The following GALNT9 variants were observed in gnomAD, a reference collection of about 807,000 sequenced individuals.
GALNT9 encodes polypeptide N-acetylgalactosaminyltransferase 9.
A neutral mutation model predicts 63.1 loss-of-function variants in GALNT9; 47 were observed. That is an observed-to-expected ratio of 0.75 (90% CI 0.59 to 0.95). GALNT9 has a LOEUF of 0.95. GALNT9 is among the 40% of genes least tolerant of loss of function. The pLI is 0.00. For synonymous variants in GALNT9, 396 were observed against 365.7 expected, an observed-to-expected ratio of 1.08 and a Z score of -0.94; for missense variants, 829 against 874.8, an observed-to-expected ratio of 0.95 and a Z score of 0.66.
intron 2 of GALNT9, among the ~76,000 whole-genome samples, chr12:132,266,330 T>C (rs1269399173): frequency 6.6e-6 from 1 of 152,264 alleles, no homozygotes; most frequent in African/African-American, 2.4e-5. Flanking sequence ...TGTGACAAAC[T>C]TCTTTGCCTA....
At chr12:132,284,494 T>C (rs782189009) in intron 2 of GALNT9, 16 of 152,280 alleles carry the variant, frequency 1.1e-4, no homozygotes, top group Non-Finnish European at 1.9e-4. Flanking sequence ...ATGCATTTTT[T>C]ATTTGAAAGG....
In GALNT9 at chr12:132,197,207, T is replaced by C. The variant is rs756757790; in HGVS notation, c.1712A>G (p.Glu571Gly). 6.2e-7 allele frequency: 1 copy of C among 1,613,900 alleles called. No individual in the cohort carries two copies. Among genetic ancestry groups the C allele is most frequent in the Non-Finnish European group, 8.5e-7 (1 of 1,180,008 alleles). The change falls in exon 11 of 11, where the codon GAG (glutamate) becomes GGG (glycine). Residue 571 changes from glutamate (E) to glycine (G), a missense_variant. By Grantham distance (98) the Glu-to-Gly change is moderately conservative. Transcript: ENST00000328957. Reference protein sequence around the residue: ...SRATGRCLEVEMSKDANFGLR... With the variant: ...SRATGRCLEVGMSKDANFGLR... ...CCCAAAGTTGGCATCTTTGGACATC[T>C]CCACCTCCAGGCAGCGGCCCGTGGC...
chr12:132,200,839 C>T, intron 8 of GALNT9: 1 of 439,354 alleles, frequency 2.3e-6, no homozygotes, highest in Non-Finnish European at 4.1e-6. Flanking sequence ...TAGGGAGGTC[C>T]ATGTGAAGGA....
At chr12:132,217,941 A>C (rs1371881346) in intron 6 of GALNT9, among the ~76,000 whole-genome samples, 1 of 107,738 alleles carries the variant, frequency 9.3e-6, no homozygotes, top group African/African-American at 3.7e-5. Flanking sequence ...TCATCCACCC[A>C]CCCACTCACC....
chr12:132,282,347 G>A lies in GALNT9; in HGVS notation c.419+3903C>T, dbSNP rs73473509. On this transcript the variant is annotated intron_variant, in intron 2 of 10. Transcript: ENST00000328957. This position sits in a 1 kb window ranked among gnomAD's most constrained non-coding sequence, Gnocchi z 4.5. ...TCCAATGGGACCCCTGCAGCTCTAA[G>A]AACAGAAAACCCAATTCAGATGTGC... is the stretch of plus-strand genomic sequence containing the variant. Among the ~76,000 whole-genome samples, 3,472 of 152,364 alleles carry A rather than the reference G, an allele frequency of 0.023. 139 individuals carry two copies. Among genetic ancestry groups the A allele is most frequent in the African/African-American group, 0.079 (3,294 of 41,566 alleles).
intron 3 of GALNT9, 138 bp from the exon 4 acceptor site, chr12:132,261,260 T>C (rs1879373399): frequency 4.4e-6 from 6 of 1,358,324 alleles, no homozygotes; most frequent in Non-Finnish European, 4.9e-6. Context: ...CTGAACCACA[T>C]GTGGTTCAGC....
In GALNT9 at chr12:132,238,069, G is replaced by T. The variant is rs773124749; in HGVS notation, c.1077+9841C>A. On this transcript the variant is annotated intron_variant, in intron 6 of 10. Coordinates refer to ENST00000328957, the MANE Select transcript of GALNT9 (RefSeq NM_001122636.2). This position sits in a 1 kb window ranked among gnomAD's most constrained non-coding sequence, Gnocchi z 6.5. ...TGAGCCAAGGTCAGGTGGAGGTCAC[G>T]TGTGTTTCCTGTGGCTGCCGTCCGC... 2.6e-5 allele frequency among the ~76,000 whole-genome samples: 4 copies of T among 152,222 alleles called. No individual in the cohort carries two copies. The highest frequency in any genetic ancestry group is 9.6e-5 in the African/African-American group (4 of 41,452).
chr12:132,200,543 TTA>T, intron 8 of GALNT9: 1 of 152,612 alleles, frequency 6.6e-6, no homozygotes, highest in East Asian at 1.9e-4. Context: ...GCCTGTGTGT[TTA>T]TCTGTGCACA....
chr12:132,275,076 T>C (rs1055016473), intron 2 of GALNT9: 2 of 152,520 alleles, frequency 1.3e-5, no homozygotes, highest in South Asian at 2.1e-4. Flanking sequence ...AGCTTCTCCA[T>C]GTCCAGCCCG....
intron 1 of GALNT9, among the ~76,000 whole-genome samples, chr12:132,291,533 C>T (rs1427854059): frequency 6.6e-6 from 1 of 150,404 alleles, no homozygotes; most frequent in East Asian, 2.0e-4. Context: ...ACAGCACCCA[C>T]GTCCACACCA....
intron 2 of GALNT9, among the ~76,000 whole-genome samples, chr12:132,264,165 G>A (rs1037834273): frequency 8.5e-5 from 13 of 152,120 alleles, no homozygotes; most frequent in Admixed American, 1.3e-4. Flanking sequence ...GGATCTCAGC[G>A]GCCACTCGCT....
At position 132,252,321 on chromosome 12, in the gene GALNT9, G is replaced by A. The variant is rs868995145; in HGVS notation, c.960-4294C>T. ...CCTCCTGCAGCCGCATCCCCGCCAC[G>A]ACTGAAGCCTTCGTGTCTTGCGGAC... On this transcript the variant is annotated intron_variant, in intron 5 of 10. Coordinates refer to ENST00000328957, the MANE Select transcript of GALNT9 (RefSeq NM_001122636.2). The surrounding 1 kb of genome is among the most constrained non-coding windows in gnomAD (Gnocchi z 5.2). 6.6e-5 allele frequency among the ~76,000 whole-genome samples: 10 copies of A among 152,232 alleles called. No homozygotes were observed. The highest frequency in any genetic ancestry group is 6.3e-3 in the Middle Eastern group (2 of 316).
intron 6 of GALNT9, 79 bp from the exon 7 acceptor site, chr12:132,203,769 G>A: frequency 6.8e-7 from 1 of 1,471,386 alleles, no homozygotes; most frequent in Non-Finnish European, 9.2e-7. Flanking sequence ...CCCGTGAGAG[G>A]CCAAGGGGCC....
chr12:132,247,549 G>GGACCTCACCCTGTCCCTA (rs1345844077), intron 6 of GALNT9: 1 of 486,386 alleles, frequency 2.1e-6, no homozygotes, highest in Non-Finnish European at 4.1e-6. Context: ...CAGGAGCCCT[G>GGACCTCACCCTGTCCCTA]GACCTCACCC....
intron 6 of GALNT9, among the ~76,000 whole-genome samples, chr12:132,231,498 C>G (rs1264149210): frequency 2.4e-4 from 3 of 12,584 alleles, no homozygotes; most frequent in Non-Finnish European, 3.7e-4. Context: ...GGAGCCCCTA[C>G]TGCCACACAC....
At chr12:132,288,019 C>T (rs907791811) in intron 1 of GALNT9, among the ~76,000 whole-genome samples, 17 of 152,174 alleles carry the variant, frequency 1.1e-4, no homozygotes, top group Admixed American at 5.2e-4. Context: ...CTCTGGTCCT[C>T]GGAGGAAGGC....
chr12:132,209,907 A>G (rs1876881095), intron 6 of GALNT9, among the ~76,000 whole-genome samples: 1 of 152,192 alleles, frequency 6.6e-6, no homozygotes, highest in Admixed American at 6.5e-5. Context: ...TGGAGCAGCC[A>G]TTCTTCTCTT....
rs534180455 is a variant in GALNT9, at chr12:132,252,320, C to T, written c.960-4293G>A. On this transcript the variant is annotated intron_variant, in intron 5 of 10. Coordinates refer to ENST00000328957, the MANE Select transcript of GALNT9 (RefSeq NM_001122636.2). This position sits in a 1 kb window ranked among gnomAD's most constrained non-coding sequence, Gnocchi z 5.2. ...ACCTCCTGCAGCCGCATCCCCGCCA[C>T]GACTGAAGCCTTCGTGTCTTGCGGA... Among the ~76,000 whole-genome samples, 22 of 152,360 alleles carry T rather than the reference C, an allele frequency of 1.4e-4. No homozygotes were observed. The South Asian group carries it at 1.4e-3, about 10-fold the overall frequency.
chr12:132,197,311 C>G (rs1436573245), intron 10 of GALNT9, 58 bp from the exon 11 acceptor site: 4 of 1,589,344 alleles, frequency 2.5e-6, no homozygotes, highest in Admixed American at 3.4e-5. Context: ...CCCCCTCCCC[C>G]CACCTCAGGG....
Sources: gnomAD v4.1 joint callset for allele counts (sites outside exome capture counted in the v4.1 genomes callset) on GRCh38, gnomAD v4.1.1 for gene constraint, Gnocchi (gnomAD v3.1) non-coding constraint, MANE v1.5 for transcripts, NCBI Gene and HGNC (gene_info 2026-07-23, HGNC 2026-07-21) for gene names.